Variants in GLIS3 observed in about 807,000 individuals in gnomAD.
The protein encoded by GLIS3 is GLIS family zinc finger 3.
GLIS3 carries 53 observed loss-of-function variants against 78.6 expected under a neutral mutation model. The ratio of observed to expected loss-of-function variants is 0.67; its 90% CI spans 0.54 to 0.85. The LOEUF is 0.85. Among genes scored for constraint, GLIS3 ranks in the 40% least tolerant of loss-of-function variants. The pLI is 0.00. For missense variants in GLIS3, 1,703 were observed against 1,231.1 expected (o/e 1.38, Z -5.74); for synonymous variants, 684 against 509.9 (o/e 1.34, Z -4.60).
intron 4 of GLIS3, among the ~76,000 whole-genome samples, chr9:4,101,760 C>T (rs1302004644): frequency 6.6e-6 from 1 of 152,054 alleles, no homozygotes; most frequent in African/African-American, 2.4e-5. Context: ...TTCTTTTTGG[C>T]TTTTCTTATC....
intron 6 of GLIS3, among the ~76,000 whole-genome samples, chr9:3,909,545 C>A (rs1588205435): frequency 6.6e-6 from 1 of 152,082 alleles, no homozygotes; most frequent in Non-Finnish European, 1.5e-5. Context: ...ATAGGGGATA[C>A]CTATTTAGTT....
At chr9:4,324,954 G>C (rs1228408439) in intron 2 of GLIS3, among the ~76,000 whole-genome samples, 2 of 152,196 alleles carry the variant, frequency 1.3e-5, no homozygotes, top group African/African-American at 4.8e-5. Flanking sequence ...AGAACTTACT[G>C]TGTGCTAGGT....
At chr9:4,366,698 T>C in the GLIS3 span, among the ~76,000 whole-genome samples, 139 of 152,346 alleles carry the variant, frequency 9.1e-4, no homozygotes, top group African/African-American at 3.2e-3. Context: ...CTGTCTTTGT[T>C]CTGAGCTGGC....
chr9:3,929,400 T>C (rs1464464563), intron 6 of GLIS3, among the ~76,000 whole-genome samples: 1 of 152,072 alleles, frequency 6.6e-6, no homozygotes, highest in Non-Finnish European at 1.5e-5. Flanking sequence ...GGATTTCAGG[T>C]TTTTCTTGGT....
intron 4 of GLIS3, among the ~76,000 whole-genome samples, chr9:4,018,347 T>A (rs974849506): frequency 1.3e-5 from 2 of 152,172 alleles, no homozygotes; most frequent in Non-Finnish European, 2.9e-5. Context: ...GGGGCAGGGA[T>A]GCACATATCT....
At chr9:4,292,290 A>C (rs1046116222) in intron 1 of GLIS3, among the ~76,000 whole-genome samples, 23 of 152,320 alleles carry the variant, frequency 1.5e-4, no homozygotes, top group African/African-American at 5.5e-4. Flanking sequence ...GAGTGCATCA[A>C]ATATATTAAT....
At chr9:4,173,303 C>A (rs1039127151) in intron 2 of GLIS3, among the ~76,000 whole-genome samples, 1 of 152,142 alleles carries the variant, frequency 6.6e-6, no homozygotes, top group South Asian at 2.1e-4. Flanking sequence ...TCGAGCTCAG[C>A]AATTATGCTC....
chr9:4,022,277 G>C (rs1373517896), intron 4 of GLIS3, among the ~76,000 whole-genome samples: 1 of 152,154 alleles, frequency 6.6e-6, no homozygotes, highest in African/African-American at 2.4e-5. Flanking sequence ...TTACATCTCA[G>C]GTCCTGCGCT....
intron 2 of GLIS3, among the ~76,000 whole-genome samples, chr9:4,202,445 AT>A (rs1819491759): frequency 1.6e-5 from 2 of 125,900 alleles, no homozygotes; most frequent in Non-Finnish European, 3.6e-5. Context: ...ATAAAATAAA[AT>A]AAAATAAAAA....
At chr9:4,301,455 A>G (rs1431724153), upstream of GLIS3, among the ~76,000 whole-genome samples, 1 of 152,254 alleles carries the variant, frequency 6.6e-6, no homozygotes, top group Non-Finnish European at 1.5e-5. Context: ...TGCCATGACT[A>G]TTCCATTGTG....
the GLIS3 span, among the ~76,000 whole-genome samples, chr9:4,397,379 G>T: frequency 2.0e-5 from 3 of 151,534 alleles, no homozygotes; most frequent in Non-Finnish European, 2.9e-5. Flanking sequence ...TTAACCTATT[G>T]CAAGTTTGAA....
At position 4,125,933 on chromosome 9, in the gene GLIS3, C is replaced by G. The variant is rs1832542478; in HGVS notation, c.397G>C (p.Gly133Arg). ...ATGGACTTGCACTGAGGCCCAAAGC[C>G]AAGAGCCCCTAAAAACAAATGAATC... is the stretch of plus-strand genomic sequence containing the variant. ...FPPNPGKGALGFGPQCKSIGK... is the reference protein window; with the variant it reads ...FPPNPGKGALRFGPQCKSIGK... Residue 133 changes from glycine to arginine, a missense_variant, in exon 3 of 11, where the codon GGC becomes CGC. Coordinates refer to ENST00000381971, the MANE Select transcript of GLIS3 (RefSeq NM_001042413.2). 1.2e-6 allele frequency: 2 copies of G among 1,613,522 alleles called. No individual in the cohort carries two copies. Among genetic ancestry groups the G allele is most frequent in the Admixed American group, 1.7e-5 (1 of 59,968 alleles).
chr9:4,363,819 C>G, the GLIS3 span, among the ~76,000 whole-genome samples: 1 of 152,150 alleles, frequency 6.6e-6, no homozygotes, highest in Non-Finnish European at 1.5e-5. Flanking sequence ...TTAGTACCAG[C>G]TAAATAATCC....
intron 7 of GLIS3, among the ~76,000 whole-genome samples, chr9:3,897,635 G>A (rs775904634): frequency 3.3e-5 from 5 of 152,140 alleles, no homozygotes; most frequent in African/African-American, 4.8e-5. Context: ...ACTGATAAAG[G>A]TCCAATGGGC....
At chr9:4,385,808 AGAAAAGAAAGAAAG>A in the GLIS3 span, among the ~76,000 whole-genome samples, 2 of 59,046 alleles carry the variant, frequency 3.4e-5, 1 homozygote, top group East Asian at 7.0e-4. Context: ...AAAGAAAGAA[AGAAAAGAAAGAAAG>A]AGAAAAGAAA....
intron 2 of GLIS3, among the ~76,000 whole-genome samples, chr9:4,213,997 TA>T (rs1183379037): frequency 6.6e-6 from 1 of 151,270 alleles, no homozygotes; most frequent in Admixed American, 6.6e-5. Context: ...GACAGGTTAT[TA>T]AAAAAAATAA....
chr9:3,864,391 G>A (rs1204382134), intron 8 of GLIS3, among the ~76,000 whole-genome samples: 5 of 152,192 alleles, frequency 3.3e-5, no homozygotes, highest in Non-Finnish European at 7.4e-5. Flanking sequence ...GTCTAAGCAT[G>A]AGAAATGGAG....
intron 2 of GLIS3, among the ~76,000 whole-genome samples, chr9:4,199,087 C>G (rs1174039957): frequency 6.6e-6 from 1 of 152,182 alleles, no homozygotes; most frequent in Non-Finnish European, 1.5e-5. Flanking sequence ...AAGGAAAGAA[C>G]TATACCTGTT....
At chr9:3,900,165 C>A in intron 6 of GLIS3, among the ~76,000 whole-genome samples, 1 of 148,366 alleles carries the variant, frequency 6.7e-6, no homozygotes, top group African/African-American at 2.5e-5. Flanking sequence ...TGGATAAAGC[C>A]TTGACTTGAA....
Sources: gnomAD v4.1 joint callset for allele counts (sites outside exome capture counted in the v4.1 genomes callset) on GRCh38, gnomAD v4.1.1 for gene constraint, MANE v1.5 for transcripts, NCBI Gene and HGNC (gene_info 2026-07-23, HGNC 2026-07-21) for gene names.